The following STN1 variants were observed in gnomAD, a reference collection of about 807,000 sequenced individuals.
The protein encoded by STN1 is STN1 subunit of CST complex, also known as CST complex subunit STN1.
STN1 carries 29 observed loss-of-function variants against 45.5 expected under a neutral mutation model. That is an observed-to-expected ratio of 0.64 (90% CI 0.47 to 0.87). The LOEUF (loss-of-function observed/expected upper bound fraction) is 0.87, where lower values mean the gene tolerates loss of function less well. Among genes scored for constraint, STN1 ranks in the 40% least tolerant of loss-of-function variants. The probability of loss-of-function intolerance (pLI) is 0.00; values close to 1 mark genes in which losing one functional copy is unlikely to be tolerated. For synonymous variants in STN1, 148 were observed against 159.0 expected, an observed-to-expected ratio of 0.93 and a Z score of 0.52; for missense variants, 376 against 441.4, an observed-to-expected ratio of 0.85 and a Z score of 1.33.
In STN1 at chr10:103,917,332, C is replaced by T. The variant is rs116479636; in HGVS notation, c.133+130G>A. On this transcript the variant is annotated intron_variant, in intron 2 of 9. Coordinates refer to ENST00000224950, the MANE Select transcript of STN1 (RefSeq NM_024928.5). ...CAAATAAATGAACTCATGCGAAGGT[C>T]CAGGCTAGGTCCCTTTCAAAGCCTG... is the stretch of plus-strand genomic sequence containing the variant. 3.9e-5 allele frequency: 26 copies of T among 672,106 alleles called. No homozygotes were observed. In the African/African-American group the frequency reaches 4.4e-4, roughly 11 times the overall value. The allele number at this position is 672,106 out of a possible 1,614,324, so 41.6% of individuals were successfully genotyped here.
At chr10:103,884,020 G>A (rs557152183) in intron 9 of STN1, among the ~76,000 whole-genome samples, 1 of 134,786 alleles carries the variant, frequency 7.4e-6, no homozygotes, top group African/African-American at 2.8e-5. Context: ...AACCCAGGAA[G>A]CAGAGGTTGC....
chr10:103,898,134 T>TC, intron 6 of STN1, among the ~76,000 whole-genome samples: 1 of 152,018 alleles, frequency 6.6e-6, no homozygotes, highest in Non-Finnish European at 1.5e-5. Flanking sequence ...TGGAGAATTT[T>TC]CACTTTTTAT....
rs1843045310 is a variant in STN1, at chr10:103,878,519, G to A, written c.*4165C>T. On this transcript the variant is annotated 3_prime_UTR_variant, in exon 10 of 10. Transcript: ENST00000224950. ...AAATTATATAAGGAGTCAGGAGTTTGAGACTGCCCGGGCCGAGTCTGGCTT... is the reference window on the plus strand; with the variant it reads ...AAATTATATAAGGAGTCAGGAGTTTAAGACTGCCCGGGCCGAGTCTGGCTT... The A allele has an allele frequency of 6.6e-6, 1 of 152,170 alleles. No individual in the cohort carries two copies. The highest frequency in any genetic ancestry group is 1.5e-5 in the Non-Finnish European group (1 of 68,038). 9.4% of individuals were successfully genotyped at this position (152,170 alleles called of 1,614,324 possible).
chr10:103,893,824 C>T (rs1843155341), intron 7 of STN1, among the ~76,000 whole-genome samples: 1 of 152,214 alleles, frequency 6.6e-6, no homozygotes, highest in African/African-American at 2.4e-5. Flanking sequence ...CTAACAATAA[C>T]AGCCTAACAC....
intron 2 of STN1, among the ~76,000 whole-genome samples, chr10:103,911,642 A>G (rs1425581689): frequency 6.6e-6 from 1 of 152,148 alleles, no homozygotes. Context: ...TTGGTGTCTC[A>G]AAGTGCTGGG....
In STN1 at chr10:103,899,020, A is replaced by C; in HGVS notation, c.458-20T>G. ...CTTTATCTAACAAGTGACCAGAAAA[A>C]AGATGCTACAGAAATTACAAATTAC... On this transcript the variant is annotated intron_variant, in intron 5 of 9. Transcript: ENST00000224950. 1.9e-6 allele frequency: 3 copies of C among 1,613,118 alleles called. No individual in the cohort carries two copies. The highest frequency in any genetic ancestry group is 2.5e-6 in the Non-Finnish European group (3 of 1,179,630).
chr10:103,896,858 G>A (rs1977230), intron 7 of STN1, among the ~76,000 whole-genome samples: 128,692 of 152,040 alleles, frequency 0.85, 55,378 homozygotes, highest in East Asian at 1. Context: ...ATCTTATTAT[G>A]CTTAATATTT....
chr10:103,899,225 A>G (rs1843191360), intron 5 of STN1, among the ~76,000 whole-genome samples: 1 of 152,234 alleles, frequency 6.6e-6, no homozygotes, highest in African/African-American at 2.4e-5. Flanking sequence ...GCCAGGGCCA[A>G]GGAACCAGGA....
At chr10:103,917,343 C>A in intron 2 of STN1, 119 bp downstream of exon 2, 1 of 820,796 alleles carries the variant, frequency 1.2e-6, no homozygotes, top group Admixed American at 3.0e-5. Context: ...CAGGCTAGGT[C>A]CCTTTCAAAG....
At chr10:103,897,431 C>T (rs1843177777) in intron 7 of STN1, 117 bp downstream of exon 7, 1 of 897,780 alleles carries the variant, frequency 1.1e-6, no homozygotes. Context: ...AGAACCATTC[C>T]CTCCGTTCCC....
At chr10:103,893,883 G>A (rs948313670) in intron 7 of STN1, among the ~76,000 whole-genome samples, 2 of 152,164 alleles carry the variant, frequency 1.3e-5, no homozygotes, top group Non-Finnish European at 2.9e-5. Flanking sequence ...ACAAGCTGGA[G>A]AACCTTGTCA....
chr10:103,894,621 G>GT (rs1431744878), intron 7 of STN1, among the ~76,000 whole-genome samples: 1 of 149,000 alleles, frequency 6.7e-6, no homozygotes, highest in Non-Finnish European at 1.5e-5. Flanking sequence ...TGGGATCTGT[G>GT]TCTTTCTTGT....
intron 3 of STN1, among the ~76,000 whole-genome samples, chr10:103,909,567 AG>A (rs1843276814): frequency 3.4e-5 from 5 of 147,642 alleles, no homozygotes; most frequent in Non-Finnish European, 5.9e-5. Flanking sequence ...GAGAAAAAGC[AG>A]AAAAAATAAG....
chr10:103,880,460 G>C lies in STN1; in HGVS notation c.*2224C>G, dbSNP rs1372291286. Among the ~76,000 whole-genome samples, 1 of 152,172 alleles carries C rather than the reference G, an allele frequency of 6.6e-6. No individual in the cohort carries two copies. The highest frequency in any genetic ancestry group is 1.5e-5 in the Non-Finnish European group (1 of 68,024). ...TCAGGCTGATCTTTGCTTGAACGTG[G>C]GGTTTCATTTGGGACCCTCCCCTCT... On this transcript the variant is annotated 3_prime_UTR_variant, in exon 10 of 10. Coordinates refer to ENST00000224950, the MANE Select transcript of STN1 (RefSeq NM_024928.5).
intron 4 of STN1, among the ~76,000 whole-genome samples, chr10:103,902,547 C>T (rs950209002): frequency 6.6e-6 from 1 of 152,180 alleles, no homozygotes; most frequent in Non-Finnish European, 1.5e-5. Flanking sequence ...CTTTCAGTGT[C>T]TATTCCATCA....
chr10:103,892,150 C>T lies in STN1; in HGVS notation c.856G>A (p.Gly286Ser). The T allele has an allele frequency of 6.2e-7, 1 of 1,610,328 alleles. No individual in the cohort carries two copies. The highest frequency in any genetic ancestry group is 8.5e-7 in the Non-Finnish European group (1 of 1,178,952). Reference protein sequence around the residue: ...EKGLVFQKDDGFDNLYYVTRE... With the variant: ...EKGLVFQKDDSFDNLYYVTRE... ...CTTACATAGTATAGGTTATCAAAAC[C>T]ATCATCTTTCTGGAAAACAAGTCCT... The change falls in exon 8 of 10, where the codon GGT becomes AGT. Residue 286 changes from glycine to serine, a missense_variant. Physicochemically the swap from Gly to Ser is moderately conservative, Grantham distance 56 (BLOSUM62 0). Coordinates refer to ENST00000224950, the MANE Select transcript of STN1 (RefSeq NM_024928.5).
In STN1 at chr10:103,910,047, C is replaced by A. The variant is rs189092705; in HGVS notation, c.229+480G>T. Among the ~76,000 whole-genome samples, 16 of 152,272 alleles carry A rather than the reference C, an allele frequency of 1.1e-4. No homozygotes were observed. The East Asian group carries it at 2.7e-3, about 26-fold the overall frequency. On this transcript the variant is annotated intron_variant, in intron 3 of 9. Transcript: ENST00000224950. ...TAAACTTTCTGATAATGGGTATTTACCCCTTTGGGTATCAAAAGGCTTTTT... is the reference window on the plus strand; with the variant it reads ...TAAACTTTCTGATAATGGGTATTTAACCCTTTGGGTATCAAAAGGCTTTTT...
intron 3 of STN1, among the ~76,000 whole-genome samples, 188 bp from the exon 4 acceptor site, chr10:103,905,344 T>A (rs1010016940): frequency 6.6e-6 from 1 of 152,210 alleles, no homozygotes; most frequent in South Asian, 2.1e-4. Flanking sequence ...ACTGCTTGTC[T>A]GCACAAGTCA....
In STN1 at chr10:103,900,067, G is replaced by C. The variant is rs1467388477; in HGVS notation, c.452C>G (p.Thr151Ser). The change falls in exon 5 of 10, where the codon ACT (threonine) becomes AGT (serine). Residue 151 changes from threonine (T) to serine (S), a missense_variant. By Grantham distance (58) the Thr-to-Ser change is moderately conservative. Coordinates refer to ENST00000224950, the MANE Select transcript of STN1 (RefSeq NM_024928.5). ...TAGAAATATCTTGTGCTTACAGTAA[G>C]TGGTGGCATGAATCTCTCGCTCTTC... Reference protein sequence around the residue: ...YREEREIHATTYYKVDDPVWN... With the variant: ...YREEREIHATSYYKVDDPVWN... 1 of 1,614,024 alleles carries C rather than the reference G, an allele frequency of 6.2e-7. No individual in the cohort carries two copies. The highest frequency in any genetic ancestry group is 1.1e-5 in the South Asian group (1 of 91,054).
Sources: allele counts gnomAD v4.1 joint callset (sites outside exome capture counted in the v4.1 genomes callset), GRCh38; gene constraint gnomAD v4.1.1; transcripts MANE v1.5; gene names NCBI Gene and HGNC (gene_info 2026-07-23, HGNC 2026-07-21).